The following MPZL1 variants were observed in gnomAD, a reference collection of about 807,000 sequenced individuals.
The protein encoded by MPZL1 is myelin protein zero like 1, also known as myelin protein zero-like protein 1.
A neutral mutation model predicts 29.3 loss-of-function variants in MPZL1; 16 were observed. That is an observed-to-expected ratio of 0.55 (90% CI 0.37 to 0.83). The LOEUF is 0.83. Among genes scored for constraint, MPZL1 ranks in the 40% least tolerant of loss-of-function variants. The pLI, the probability that MPZL1 is intolerant of heterozygous loss-of-function variation, is 0.00. For synonymous variants in MPZL1, 143 were observed against 132.0 expected (o/e 1.08, Z -0.57); for missense variants, 279 against 332.9 (o/e 0.84, Z 1.26).
At chr1:167,763,243 G>A (rs1009458831) in intron 1 of MPZL1, among the ~76,000 whole-genome samples, 10 of 152,142 alleles carry the variant, frequency 6.6e-5, no homozygotes, top group Non-Finnish European at 1.2e-4. Context: ...GGCTGGGTGC[G>A]GTGGCTCACG....
intron 1 of MPZL1, among the ~76,000 whole-genome samples, chr1:167,763,988 G>A (rs980356796): frequency 6.6e-6 from 1 of 152,172 alleles, no homozygotes; most frequent in Non-Finnish European, 1.5e-5. Context: ...GTTCTCCTTG[G>A]CTGAGAGTCA....
intron 1 of MPZL1, among the ~76,000 whole-genome samples, chr1:167,731,763 AG>A (rs924957345): frequency 2.2e-4 from 33 of 151,742 alleles, no homozygotes; most frequent in Admixed American, 5.2e-4. Context: ...AAAAAAAAAA[AG>A]GGGGATCAGA....
intron 1 of MPZL1, among the ~76,000 whole-genome samples, chr1:167,731,170 C>T (rs570023542): frequency 6.6e-6 from 1 of 152,198 alleles, no homozygotes; most frequent in Admixed American, 6.5e-5. Context: ...TGCCGTGGCT[C>T]GCGCCTGTAA....
chr1:167,724,825 C>T (rs1021631648), intron 1 of MPZL1, among the ~76,000 whole-genome samples: 2 of 152,082 alleles, frequency 1.3e-5, no homozygotes, highest in African/African-American at 4.8e-5. Context: ...ATAGTTAAAG[C>T]TTGGATTGTT....
chr1:167,739,954 A>G (rs1660482265), intron 1 of MPZL1, among the ~76,000 whole-genome samples: 1 of 151,970 alleles, frequency 6.6e-6, no homozygotes, highest in Non-Finnish European at 1.5e-5. Context: ...TTTGTTTTGT[A>G]TTCGTTACTT....
chr1:167,780,513 G>C (rs570206679), intron 5 of MPZL1, among the ~76,000 whole-genome samples: 5 of 152,264 alleles, frequency 3.3e-5, no homozygotes, highest in African/African-American at 1.2e-4. Context: ...CAGTATACAA[G>C]TGGATAAATA....
chr1:167,787,664 A>T (rs1661616884), intron 5 of MPZL1, among the ~76,000 whole-genome samples, 156 bp from the exon 6 acceptor site: 2 of 152,224 alleles, frequency 1.3e-5, no homozygotes, highest in African/African-American at 4.8e-5. Context: ...TCAGTCCTGG[A>T]TGTATCATCC....
At chr1:167,747,182 C>T (rs1453475664) in intron 1 of MPZL1, among the ~76,000 whole-genome samples, 1 of 152,192 alleles carries the variant, frequency 6.6e-6, no homozygotes, top group Non-Finnish European at 1.5e-5. Context: ...ATTGCTAAGC[C>T]AGTAGAAGGA....
chr1:167,786,311 C>T (rs1338010568), intron 5 of MPZL1, among the ~76,000 whole-genome samples: 1 of 152,162 alleles, frequency 6.6e-6, no homozygotes, highest in Non-Finnish European at 1.5e-5. Flanking sequence ...GTTTGTGTAA[C>T]AAGACGTTCA....
In MPZL1 at chr1:167,772,403, C is replaced by T; in HGVS notation, c.387C>T (p.His129=). Residue 129 remains histidine (H), a synonymous_variant, in exon 3 of 6, where the codon CAC becomes CAT. Transcript: ENST00000359523. The part of the protein sequence containing the change: ...SINIENMQFI[H]NGTYICDVKN... ...ACATAGAAAATATGCAGTTTATACA[C>T]AATGGCACCTATATCTGTGATGTCA... is the stretch of plus-strand genomic sequence containing the variant. 1 of 1,614,102 alleles carries T rather than the reference C, an allele frequency of 6.2e-7. No homozygotes were observed.
At chr1:167,760,965 C>T (rs1660975170) in intron 1 of MPZL1, among the ~76,000 whole-genome samples, 1 of 151,488 alleles carries the variant, frequency 6.6e-6, no homozygotes, top group Admixed American at 6.6e-5. Context: ...TTCCAAAAGC[C>T]AAACTGTTAA....
intron 1 of MPZL1, among the ~76,000 whole-genome samples, chr1:167,729,973 T>G (rs966540512): frequency 6.6e-6 from 1 of 152,244 alleles, no homozygotes; most frequent in African/African-American, 2.4e-5. Context: ...AGCACATGTT[T>G]GCAACCACCC....
chr1:167,759,521 CAGG>C, intron 1 of MPZL1, among the ~76,000 whole-genome samples: 1 of 152,320 alleles, frequency 6.6e-6, no homozygotes, highest in East Asian at 1.9e-4. Flanking sequence ...TTTACCCACA[CAGG>C]AGAACACTTC....
chr1:167,755,096 G>A (rs1660839907), intron 1 of MPZL1, among the ~76,000 whole-genome samples: 1 of 152,152 alleles, frequency 6.6e-6, no homozygotes, highest in South Asian at 2.1e-4. Flanking sequence ...TTCAACAGAT[G>A]TACAATGACA....
intron 5 of MPZL1, among the ~76,000 whole-genome samples, chr1:167,782,660 C>T (rs755015722): frequency 2.0e-5 from 3 of 152,078 alleles, no homozygotes; most frequent in African/African-American, 7.2e-5. Flanking sequence ...TGTTACCTTA[C>T]GTATCAAAAA....
intron 2 of MPZL1, among the ~76,000 whole-genome samples, chr1:167,767,285 C>G (rs1436913961): frequency 6.6e-6 from 1 of 152,162 alleles, no homozygotes; most frequent in Non-Finnish European, 1.5e-5. Context: ...CCCATAGAGG[C>G]AAGATTAAAC....
intron 1 of MPZL1, among the ~76,000 whole-genome samples, chr1:167,755,167 C>T (rs1224738635): frequency 6.6e-6 from 1 of 152,126 alleles, no homozygotes; most frequent in Admixed American, 6.5e-5. Context: ...TTTCAGTAGG[C>T]ATCAGTATTT....
At chr1:167,786,485 C>G (rs1301889205) in intron 5 of MPZL1, among the ~76,000 whole-genome samples, 5 of 152,112 alleles carry the variant, frequency 3.3e-5, no homozygotes. Flanking sequence ...ACAAATGTGC[C>G]CAGGGCCACG....
At chr1:167,753,263 G>A in intron 1 of MPZL1, among the ~76,000 whole-genome samples, 1 of 152,154 alleles carries the variant, frequency 6.6e-6, no homozygotes, top group East Asian at 1.9e-4. Flanking sequence ...GGAAGTGAGA[G>A]CAAGCTGATA....
Sources: gnomAD v4.1 joint callset for allele counts (sites outside exome capture counted in the v4.1 genomes callset) on GRCh38, gnomAD v4.1.1 for gene constraint, MANE v1.5 for transcripts, NCBI Gene and HGNC (gene_info 2026-07-23, HGNC 2026-07-21) for gene names.